The following KCNJ16 variants were observed in gnomAD, a reference collection of about 807,000 sequenced individuals.
KCNJ16 encodes potassium inwardly rectifying channel subfamily J member 16.
A neutral mutation model predicts 18.5 loss-of-function variants in KCNJ16; 15 were observed. The observed-to-expected ratio is 0.81, with a 90% CI of 0.54 to 1.25. The LOEUF (loss-of-function observed/expected upper bound fraction) is 1.25, where lower values mean the gene tolerates loss of function less well. KCNJ16 is among the 50% of genes most tolerant of loss of function. The probability of loss-of-function intolerance (pLI) is 0.00; values close to 1 mark genes in which losing one functional copy is unlikely to be tolerated. For missense variants in KCNJ16, 523 were observed against 525.7 expected, an observed-to-expected ratio of 0.99 and a Z score of 0.05; for synonymous variants, 174 against 186.5, an observed-to-expected ratio of 0.93 and a Z score of 0.55.
rs2074176349 is a variant in KCNJ16 at position 70,134,930 on chromosome 17, C to A, written c.*1586C>A. On this transcript the variant is annotated 3_prime_UTR_variant, in exon 4 of 4. Coordinates refer to ENST00000392671, the MANE Select transcript of KCNJ16 (RefSeq NM_170741.4). Reference sequence around the variant, plus strand: ...GATAGAGTGCCTTTCTGTTTCTTTTCTTTTCTTTTTTCTTTTTTTGTTCTT... The same window carrying A: ...GATAGAGTGCCTTTCTGTTTCTTTTATTTTCTTTTTTCTTTTTTTGTTCTT... 1 of 165,596 alleles carries A rather than the reference C, an allele frequency of 6.0e-6. No individual in the cohort carries two copies. Among genetic ancestry groups the A allele is most frequent in the Non-Finnish European group, 1.5e-5 (1 of 67,906 alleles). 10.3% of individuals were successfully genotyped at this position (165,596 alleles called of 1,614,324 possible). A position where few individuals can be genotyped will look rare whatever the true frequency, so the allele number is the denominator to read the frequency against.
At chr17:70,079,020 G>A (rs1018376221) in intron 1 of KCNJ16, among the ~76,000 whole-genome samples, 5 of 151,972 alleles carry the variant, frequency 3.3e-5, no homozygotes, top group African/African-American at 7.3e-5. Flanking sequence ...TTCTACTACC[G>A]TTTGGTTATT....
At chr17:70,126,159 A>T (rs1344492057) in intron 2 of KCNJ16, among the ~76,000 whole-genome samples, 1 of 152,206 alleles carries the variant, frequency 6.6e-6, no homozygotes, top group African/African-American at 2.4e-5. Context: ...GTCTTCTGCA[A>T]GAATTTATAT....
chr17:70,115,425 A>T (rs1452730538), intron 2 of KCNJ16, among the ~76,000 whole-genome samples: 3 of 152,102 alleles, frequency 2.0e-5, no homozygotes, highest in Non-Finnish European at 4.4e-5. Flanking sequence ...CATTTAAAGG[A>T]CCATTTACTT....
At chr17:70,095,600 G>A (rs534074519) in intron 1 of KCNJ16, among the ~76,000 whole-genome samples, 6 of 152,234 alleles carry the variant, frequency 3.9e-5, no homozygotes, top group Admixed American at 2.0e-4. Context: ...AAAAGTGATC[G>A]TGCCTGTCTT....
intron 1 of KCNJ16, among the ~76,000 whole-genome samples, chr17:70,097,895 T>C (rs538391868): frequency 1.3e-5 from 2 of 152,222 alleles, no homozygotes; most frequent in Non-Finnish European, 2.9e-5. Flanking sequence ...TCCTAGGTTA[T>C]GACCTCCTCC....
chr17:70,086,232 AT>A (rs1390577204), intron 1 of KCNJ16, among the ~76,000 whole-genome samples: 2 of 152,190 alleles, frequency 1.3e-5, no homozygotes, highest in Non-Finnish European at 1.5e-5. Flanking sequence ...CTTAACTTTT[AT>A]TTTTTATTAC....
chr17:70,110,317 G>A (rs982919238), intron 2 of KCNJ16, among the ~76,000 whole-genome samples: 2 of 152,086 alleles, frequency 1.3e-5, no homozygotes, highest in Admixed American at 1.3e-4. Flanking sequence ...ATCACAGCTT[G>A]ATAGTGTCCT....
chr17:70,120,867 G>T (rs116952662), intron 2 of KCNJ16, among the ~76,000 whole-genome samples: 1,741 of 152,320 alleles, frequency 0.011, 72 homozygotes, highest in Admixed American at 0.066. Context: ...AGGAGAAAGT[G>T]TATATGCATT....
chr17:70,129,352 G>A (rs2073977718), intron 2 of KCNJ16, among the ~76,000 whole-genome samples: 1 of 152,072 alleles, frequency 6.6e-6, no homozygotes, highest in Non-Finnish European at 1.5e-5. Flanking sequence ...ATTATTTAAT[G>A]GTAAACAGTT....
At chr17:70,090,458 T>G (rs1288923030) in intron 1 of KCNJ16, among the ~76,000 whole-genome samples, 2 of 152,178 alleles carry the variant, frequency 1.3e-5, no homozygotes, top group Non-Finnish European at 2.9e-5. Context: ...TAGCCTGAAT[T>G]ATGAGCCTCA....
intron 1 of KCNJ16, among the ~76,000 whole-genome samples, chr17:70,078,561 A>G (rs1406800384): frequency 6.6e-6 from 1 of 152,232 alleles, no homozygotes; most frequent in Admixed American, 6.5e-5. Context: ...TCTAGCAAAC[A>G]TGACCAAAAA....
In KCNJ16 at chr17:70,134,542, T is replaced by C. The variant is rs927821661; in HGVS notation, c.*1198T>C. ...ATGAAATTTCTTAAGTTTTAGAACATGAGATAAAGTTGTATACTCTACTTT... is the reference window on the plus strand; with the variant it reads ...ATGAAATTTCTTAAGTTTTAGAACACGAGATAAAGTTGTATACTCTACTTT... On this transcript the variant is annotated 3_prime_UTR_variant, in exon 4 of 4. Transcript: ENST00000392671. The C allele has an allele frequency of 1.2e-5, 2 of 167,020 alleles. No individual in the cohort carries two copies. The highest frequency in any genetic ancestry group is 4.1e-4 in the South Asian group (2 of 4,834). The allele number at this position is 167,020 out of a possible 1,614,324, so 10.3% of individuals were successfully genotyped here. A position where few individuals can be genotyped will look rare whatever the true frequency, so the allele number is the denominator to read the frequency against.
intron 1 of KCNJ16, among the ~76,000 whole-genome samples, chr17:70,084,880 T>C (rs1341317004): frequency 6.6e-6 from 1 of 152,180 alleles, no homozygotes; most frequent in Non-Finnish European, 1.5e-5. Flanking sequence ...AAACCTCTAT[T>C]GTGAAAACTA....
chr17:70,093,870 T>C (rs1455573054), intron 1 of KCNJ16, among the ~76,000 whole-genome samples: 6 of 151,974 alleles, frequency 3.9e-5, no homozygotes, highest in Admixed American at 6.6e-5. Context: ...GCCATAACTA[T>C]TGGAATATGG....
intron 1 of KCNJ16, chr17:70,096,804 C>A (rs898797453): frequency 1.0e-5 from 4 of 391,898 alleles, no homozygotes; most frequent in Non-Finnish European, 1.8e-5. Flanking sequence ...GTGTTCTCAA[C>A]AGCTTCTACT....
intron 1 of KCNJ16, among the ~76,000 whole-genome samples, chr17:70,082,635 G>A (rs2071604409): frequency 6.6e-6 from 1 of 152,150 alleles, no homozygotes; most frequent in Non-Finnish European, 1.5e-5. Context: ...TGCTTGTCGA[G>A]GCTCTCCCCT....
rs528973823 is a variant in KCNJ16, at chr17:70,087,458, T to C, written c.-300+12068T>C. ...AGCTCACACCTATAATCCCAGCACT[T>C]TGGGAGGCCAAGGTGGGCGGATCAT... On this transcript the variant is annotated intron_variant, in intron 1 of 3. Transcript: ENST00000392671. Among the ~76,000 whole-genome samples, 5 of 152,088 alleles carry C rather than the reference T, an allele frequency of 3.3e-5. No individual in the cohort carries two copies. The South Asian group carries it at 1.0e-3, about 32-fold the overall frequency.
intron 2 of KCNJ16, among the ~76,000 whole-genome samples, chr17:70,102,830 A>T (rs2047349004): frequency 6.6e-6 from 1 of 152,130 alleles, no homozygotes; most frequent in Non-Finnish European, 1.5e-5. Flanking sequence ...GACATCTTTC[A>T]TCAAGGTCAC....
chr17:70,093,848 A>G (rs7207387), intron 1 of KCNJ16, among the ~76,000 whole-genome samples: 138,703 of 152,032 alleles, frequency 0.91, 63,428 homozygotes, highest in East Asian at 0.97. Context: ...TTGGCCAATT[A>G]TTCTGTAATT....
Sources: allele counts gnomAD v4.1 joint callset (sites outside exome capture counted in the v4.1 genomes callset), GRCh38; gene constraint gnomAD v4.1.1; transcripts MANE v1.5; gene names NCBI Gene and HGNC (gene_info 2026-07-23, HGNC 2026-07-21).